The following PCDH15 variants were observed in gnomAD, a reference collection of about 807,000 sequenced individuals.
PCDH15 encodes protocadherin related 15, also known as protocadherin-15.
A neutral mutation model predicts 178.5 loss-of-function variants in PCDH15; 129 were observed. That is an observed-to-expected ratio of 0.72 (90% CI 0.63 to 0.84). PCDH15 has a LOEUF of 0.84. Among genes scored for constraint, PCDH15 ranks in the 40% least tolerant of loss-of-function variants. PCDH15 has a pLI of 0.00. For synonymous variants in PCDH15, 800 were observed against 732.0 expected (o/e 1.09, Z -1.50); for missense variants, 2,230 against 2,099.9 (o/e 1.06, Z -1.21).
chr10:54,185,887 G>A (rs1401939616), intron 11 of PCDH15, among the ~76,000 whole-genome samples: 2 of 151,906 alleles, frequency 1.3e-5, no homozygotes, highest in Non-Finnish European at 2.9e-5. Flanking sequence ...TTTAAAATAT[G>A]CATAAATTTA....
At chr10:55,342,386 A>T (rs1255058641) in intron 2 of PCDH15, among the ~76,000 whole-genome samples, 1 of 152,046 alleles carries the variant, frequency 6.6e-6, no homozygotes, top group Non-Finnish European at 1.5e-5. Flanking sequence ...TATTCTAGAA[A>T]TTGGAGAAAT....
chr10:54,676,708 G>T (rs2094796375), intron 1 of PCDH15, among the ~76,000 whole-genome samples: 1 of 152,140 alleles, frequency 6.6e-6, no homozygotes, highest in Non-Finnish European at 1.5e-5. Flanking sequence ...CATAAAGCAT[G>T]CAGTGAAACT....
intron 25 of PCDH15, among the ~76,000 whole-genome samples, chr10:53,909,117 G>A (rs1237969343): frequency 6.6e-6 from 1 of 152,098 alleles, no homozygotes; most frequent in East Asian, 1.9e-4. Context: ...TCAGATCATG[G>A]GGGCAGTTTT....
chr10:54,587,987 A>G (rs2091617989), intron 2 of PCDH15, among the ~76,000 whole-genome samples: 1 of 152,168 alleles, frequency 6.6e-6, no homozygotes, highest in Admixed American at 6.6e-5. Flanking sequence ...ACAGTAAAAG[A>G]GTTTCTAATA....
intron 2 of PCDH15, among the ~76,000 whole-genome samples, chr10:55,098,445 A>G (rs1842494001): frequency 6.6e-6 from 1 of 152,192 alleles, no homozygotes. Context: ...AAAAAAGAGT[A>G]GCCTGTGAAA....
intron 3 of PCDH15, among the ~76,000 whole-genome samples, chr10:54,873,524 G>A (rs987483764): frequency 7.0e-6 from 1 of 142,544 alleles, no homozygotes; most frequent in African/African-American, 2.6e-5. Flanking sequence ...ATGTATATAC[G>A]TGTATGTATA....
At position 54,752,496 on chromosome 10, in the gene PCDH15, AAAC is replaced by A. The variant is rs1566127644; in HGVS notation, c.-29+48426_-29+48428del. ...CGTCTCAAAAAAAAAAAAAAACAAA[AAAC>A]AAAAAACAAAAAACAAACAAACAAA... On this transcript the variant is annotated intron_variant, in intron 1 of 37. Transcript: ENST00000644397. Among the ~76,000 whole-genome samples the A allele has an allele frequency of 2.7e-3, 233 of 85,684 alleles. 14 individuals are homozygous for A. The highest frequency in any genetic ancestry group is 8.9e-3 in the African/African-American group (216 of 24,262). 56.2% of individuals were successfully genotyped at this position (85,684 alleles called of 152,430 possible).
rs549605211 is a variant in PCDH15 at position 54,131,687 on chromosome 10, A to G, written c.1917+1188T>C. Among the ~76,000 whole-genome samples, 40 of 152,316 alleles carry G rather than the reference A, an allele frequency of 2.6e-4. 1 individual carries two copies. Among genetic ancestry groups the G allele is most frequent in the Admixed American group, 7.8e-4 (12 of 15,302 alleles). ...GTAGAGACACAAAGTAGTACTTGGT[A>G]ATGCCAAGAAAATTTCAGCAGCTAT... is the stretch of plus-strand genomic sequence containing the variant. On this transcript the variant is annotated intron_variant, in intron 15 of 37. Coordinates refer to ENST00000644397, the MANE Select transcript of PCDH15 (RefSeq NM_001384140.1).
At chr10:54,536,681 A>G (rs1224317715) in intron 2 of PCDH15, among the ~76,000 whole-genome samples, 1 of 152,078 alleles carries the variant, frequency 6.6e-6, no homozygotes, top group East Asian at 1.9e-4. Context: ...AGTGTCTATT[A>G]CTGACATCCT....
intron 18 of PCDH15, among the ~76,000 whole-genome samples, chr10:54,060,468 AT>A (rs1230585448): frequency 2.6e-5 from 4 of 152,146 alleles, no homozygotes; most frequent in African/African-American, 4.8e-5. Flanking sequence ...ATTATTTAGT[AT>A]TTAACATAAT....
At chr10:54,846,547 C>T (rs746365071) in intron 3 of PCDH15, among the ~76,000 whole-genome samples, 2 of 152,114 alleles carry the variant, frequency 1.3e-5, no homozygotes, top group South Asian at 2.1e-4. Context: ...ATCTACCATT[C>T]GGCCATCATA....
chr10:54,097,580 A>G (rs551483813), intron 15 of PCDH15, among the ~76,000 whole-genome samples: 3 of 152,294 alleles, frequency 2.0e-5, no homozygotes, highest in African/African-American at 7.2e-5. Flanking sequence ...ATATTTTGTT[A>G]ATTTTCTTCT....
At chr10:54,951,695 A>G (rs1838343706) in intron 2 of PCDH15, among the ~76,000 whole-genome samples, 1 of 151,832 alleles carries the variant, frequency 6.6e-6, no homozygotes, top group South Asian at 2.1e-4. Context: ...AATGAATGTT[A>G]CTTTTGCTTT....
intron 1 of PCDH15, among the ~76,000 whole-genome samples, chr10:54,742,392 G>T (rs966385294): frequency 5.3e-5 from 8 of 152,032 alleles, no homozygotes; most frequent in African/African-American, 1.9e-4. Context: ...TAACATACGT[G>T]CCAGCCTAGT....
intron 9 of PCDH15, among the ~76,000 whole-genome samples, chr10:54,228,795 A>T (rs1591303376): frequency 6.6e-6 from 1 of 152,198 alleles, no homozygotes; most frequent in Non-Finnish European, 1.5e-5. Flanking sequence ...TTCTTCACTC[A>T]GTCTTCTGAT....
chr10:54,708,779 C>CGTGTGTGTGTGTGT lies in PCDH15; in HGVS notation c.-28-44503_-28-44490dup, dbSNP rs145197882. Among the ~76,000 whole-genome samples the CGTGTGTGTGTGTGT allele has an allele frequency of 4.0e-5, 6 of 150,484 alleles. No individual in the cohort carries two copies. In the South Asian group the frequency reaches 6.4e-4, roughly 16 times the overall value. On this transcript the variant is annotated intron_variant, in intron 1 of 37. Coordinates refer to ENST00000644397, the MANE Select transcript of PCDH15 (RefSeq NM_001384140.1). The stretch of plus-strand genomic sequence containing the variant: ...ATCACCCCAATGCAGGCCAGAATAA[C>CGTGTGTGTGTGTGT]GTGTGTGTGTGTGTGTGTGTGTGCG...
intron 2 of PCDH15, among the ~76,000 whole-genome samples, chr10:55,339,411 T>G (rs1415395176): frequency 6.6e-6 from 1 of 152,022 alleles, no homozygotes; most frequent in African/African-American, 2.4e-5. Context: ...GTTCTGTACA[T>G]GGAACATGTA....
At chr10:54,901,896 C>T (rs1954644445) in intron 2 of PCDH15, among the ~76,000 whole-genome samples, 1 of 152,074 alleles carries the variant, frequency 6.6e-6, no homozygotes, top group Admixed American at 6.5e-5. Context: ...GCATTAATTT[C>T]TTCTCATCAG....
At chr10:54,709,186 C>T (rs1279655253) in intron 1 of PCDH15, among the ~76,000 whole-genome samples, 1 of 152,084 alleles carries the variant, frequency 6.6e-6, no homozygotes, top group South Asian at 2.1e-4. Flanking sequence ...AAATCAGTTG[C>T]TCAAGCACTG....
Sources: allele counts gnomAD v4.1 joint callset (sites outside exome capture counted in the v4.1 genomes callset), GRCh38; gene constraint gnomAD v4.1.1; transcripts MANE v1.5; gene names NCBI Gene and HGNC (gene_info 2026-07-23, HGNC 2026-07-21).